Variants in LINGO1 observed in about 807,000 individuals in gnomAD.
LINGO1 encodes leucine-rich repeat and immunoglobulin-like domain-containing nogo receptor-interacting protein 1.
A neutral mutation model predicts 37.3 loss-of-function variants in LINGO1; 11 were observed. The observed-to-expected ratio is 0.29, with a 90% confidence interval of 0.19 to 0.49. LINGO1 has a LOEUF of 0.49. LINGO1 is among the 20% of genes least tolerant of loss of function. The pLI is 0.99. For missense variants in LINGO1, 585 were observed against 878.2 expected, an observed-to-expected ratio of 0.67 and a Z score of 4.22; for synonymous variants, 387 against 403.0, an observed-to-expected ratio of 0.96 and a Z score of 0.48.
intron 3 of LINGO1, among the ~76,000 whole-genome samples, chr15:77,666,462 C>T (rs933355774): frequency 3.3e-5 from 5 of 152,170 alleles, no homozygotes; most frequent in African/African-American, 7.2e-5. Context: ...TACCGTGAGC[C>T]GGCACTGGGT....
At chr15:77,804,915 A>C (rs781525158) in intron 1 of LINGO1, among the ~76,000 whole-genome samples, 6 of 152,194 alleles carry the variant, frequency 3.9e-5, no homozygotes, top group Admixed American at 6.5e-5. Flanking sequence ...AGGGAGCCCA[A>C]GGGCTGGATG....
chr15:77,637,608 T>C (rs11630768), upstream of LINGO1, among the ~76,000 whole-genome samples: 24,056 of 152,130 alleles, frequency 0.16, 3,718 homozygotes, highest in African/African-American at 0.41. The surrounding 1 kb of genome is among the most constrained non-coding windows in gnomAD (Gnocchi z 4.6). Context: ...GATGCTGATG[T>C]AGTAGGAGCT....
intron 1 of LINGO1, among the ~76,000 whole-genome samples, chr15:77,781,638 G>A (rs536120069): frequency 6.6e-6 from 1 of 152,094 alleles, no homozygotes; most frequent in Non-Finnish European, 1.5e-5. Flanking sequence ...ATCACACTCC[G>A]CACTCCGTAC....
At chr15:77,650,200 T>C (rs754180601) in intron 3 of LINGO1, among the ~76,000 whole-genome samples, 3 of 152,236 alleles carry the variant, frequency 2.0e-5, no homozygotes, top group African/African-American at 4.8e-5. Context: ...GCGTGGTGTG[T>C]AAGCCTGTGC....
intron 1 of LINGO1, chr15:77,819,891 C>G (rs56061966): frequency 7.1e-4 from 108 of 151,336 alleles, no homozygotes; most frequent in East Asian, 4.5e-3. Context: ...CTTCTCCCCC[C>G]CTTCCAGTCC....
At chr15:77,815,442 C>T (rs948048174) in intron 1 of LINGO1, among the ~76,000 whole-genome samples, 13 of 152,288 alleles carry the variant, frequency 8.5e-5, no homozygotes, top group African/African-American at 3.1e-4. Flanking sequence ...GCCAAACAGC[C>T]CTCTACCCCT....
chr15:77,646,417 G>A (rs972322265), intron 3 of LINGO1: 4 of 454,906 alleles, frequency 8.8e-6, no homozygotes, highest in Admixed American at 2.4e-5. Flanking sequence ...GATCAAGACG[G>A]CTAGGGGGCA....
At chr15:77,806,251 G>C (rs986604479) in intron 1 of LINGO1, among the ~76,000 whole-genome samples, 1 of 152,006 alleles carries the variant, frequency 6.6e-6, no homozygotes, top group African/African-American at 2.4e-5. Flanking sequence ...TGAGAGACGC[G>C]AGGGCAGAGG....
At chr15:77,742,825 G>C (rs546096106) in intron 1 of LINGO1, among the ~76,000 whole-genome samples, 2 of 152,314 alleles carry the variant, frequency 1.3e-5, no homozygotes, top group Admixed American at 1.3e-4. Flanking sequence ...AAAACAGCTG[G>C]AAGGGTAAGA....
chr15:77,730,640 C>A (rs1295010147), intron 2 of LINGO1, among the ~76,000 whole-genome samples: 1 of 152,244 alleles, frequency 6.6e-6, no homozygotes, highest in Non-Finnish European at 1.5e-5. Flanking sequence ...CAGCATCAAC[C>A]TGGGGGAGAC....
chr15:77,637,481 G>A (rs541627814), upstream of LINGO1, among the ~76,000 whole-genome samples: 19 of 152,300 alleles, frequency 1.2e-4, no homozygotes, highest in Middle Eastern at 3.4e-3. The surrounding 1 kb of genome is among the most constrained non-coding windows in gnomAD (Gnocchi z 4.6). Context: ...CCCCTCGGGC[G>A]GGGCTGTATG....
chr15:77,786,399 C>G (rs897845470), intron 1 of LINGO1, among the ~76,000 whole-genome samples: 1 of 152,196 alleles, frequency 6.6e-6, no homozygotes, highest in African/African-American at 2.4e-5. Context: ...TCCCGCCCAC[C>G]ACCCCTGGGA....
intron 1 of LINGO1, among the ~76,000 whole-genome samples, chr15:77,816,803 G>A (rs769289136): frequency 9.2e-5 from 14 of 152,138 alleles, no homozygotes; most frequent in Admixed American, 2.6e-4. Flanking sequence ...TGGGAGTGGA[G>A]GTACCAGAAG....
At chr15:77,662,714 C>G (rs746826430) in intron 3 of LINGO1, among the ~76,000 whole-genome samples, 9 of 152,218 alleles carry the variant, frequency 5.9e-5, no homozygotes, top group Non-Finnish European at 1.0e-4. Flanking sequence ...CAGAAGGTCT[C>G]TGGTTCTATA....
chr15:77,776,464 G>GGCAGGAAGGCAGGAAGGCAGGAAA (rs1317544583), intron 1 of LINGO1, among the ~76,000 whole-genome samples: 21 of 111,568 alleles, frequency 1.9e-4, no homozygotes, highest in African/African-American at 5.6e-4. Context: ...AAGGCAGGAA[G>GGCAGGAAGGCAGGAAGGCAGGAAA]GCAGGAAGGC....
At chr15:77,795,550 A>G (rs900023406) in intron 2 of LINGO1, among the ~76,000 whole-genome samples, 1 of 152,174 alleles carries the variant, frequency 6.6e-6, no homozygotes, top group Non-Finnish European at 1.5e-5. Flanking sequence ...GCCTCTTGAC[A>G]GTTTCTTGGA....
At chr15:77,645,001 CAG>C (rs1685177174) in intron 3 of LINGO1, among the ~76,000 whole-genome samples, 1 of 152,200 alleles carries the variant, frequency 6.6e-6, no homozygotes, top group Admixed American at 6.5e-5. Context: ...CACTCAGACA[CAG>C]TGTGTTCACA....
At chr15:77,703,028 C>T (rs1391811181) in intron 2 of LINGO1, among the ~76,000 whole-genome samples, 1 of 152,236 alleles carries the variant, frequency 6.6e-6, no homozygotes, top group Non-Finnish European at 1.5e-5. Context: ...TGAATGAGAA[C>T]TGAGCTGGGA....
chr15:77,646,678 TC>T (rs1280680923), intron 3 of LINGO1, among the ~76,000 whole-genome samples: 1 of 152,082 alleles, frequency 6.6e-6, no homozygotes. Flanking sequence ...CTCATCTCCA[TC>T]CCCACAACCT....
Sources: allele counts gnomAD v4.1 joint callset (sites outside exome capture counted in the v4.1 genomes callset), GRCh38; gene constraint gnomAD v4.1.1; non-coding constraint Gnocchi (gnomAD v3.1); transcripts MANE v1.5; gene names NCBI Gene and HGNC (gene_info 2026-07-23, HGNC 2026-07-21).